The following TPRG1 variants were observed in gnomAD, a reference collection of about 807,000 sequenced individuals.
TPRG1 encodes the protein tumor protein p63 regulated 1.
Under a neutral mutation model 29.3 loss-of-function variants are expected in TPRG1, and 29 were observed. That is an observed-to-expected ratio of 0.99 (90% CI 0.74 to 1.35). The LOEUF is 1.35. Ranked by LOEUF, TPRG1 falls within the 40% of genes most tolerant of loss-of-function variation. The pLI, the probability that TPRG1 is intolerant of heterozygous loss-of-function variation, is 0.00. For synonymous variants in TPRG1, 130 were observed against 116.8 expected (o/e 1.11, Z -0.73); for missense variants, 327 against 335.0 (o/e 0.98, Z 0.19).
intron 1 of TPRG1, among the ~76,000 whole-genome samples, chr3:189,118,652 A>G (rs1034994678): frequency 2.6e-5 from 4 of 152,190 alleles, no homozygotes; most frequent in South Asian, 2.1e-4. Context: ...AGCTGTGGCT[A>G]AAAGGGGCCA....
At chr3:189,304,942 C>T (rs1430112331) in intron 4 of TPRG1, among the ~76,000 whole-genome samples, 7 of 152,140 alleles carry the variant, frequency 4.6e-5, no homozygotes, top group Admixed American at 6.6e-5. Context: ...ACACGCCCTG[C>T]GTTTAGAGCA....
At chr3:189,129,548 A>G (rs1722874399) in intron 2 of TPRG1, among the ~76,000 whole-genome samples, 1 of 152,190 alleles carries the variant, frequency 6.6e-6, no homozygotes, top group Non-Finnish European at 1.5e-5. Flanking sequence ...TATGCTGTTT[A>G]TACTTAAACT....
chr3:189,076,174 C>T (rs925864582), intron 4 of TPRG1, among the ~76,000 whole-genome samples: 2 of 152,092 alleles, frequency 1.3e-5, no homozygotes, highest in African/African-American at 4.8e-5. Context: ...TTCTGGTTGG[C>T]TTTTGTTTGT....
At chr3:189,170,116 C>G (rs1456541880), upstream of TPRG1, among the ~76,000 whole-genome samples, 1 of 152,180 alleles carries the variant, frequency 6.6e-6, no homozygotes, top group Admixed American at 6.5e-5. Flanking sequence ...TCTTAAGAGA[C>G]CAGGCTGGGA....
chr3:189,288,402 C>A (rs1718438577), intron 4 of TPRG1, among the ~76,000 whole-genome samples: 2 of 152,074 alleles, frequency 1.3e-5, no homozygotes, highest in South Asian at 4.2e-4. Flanking sequence ...AATATTATAG[C>A]ACATAGGATG....
chr3:189,044,511 C>T (rs1049754479), intron 4 of TPRG1, among the ~76,000 whole-genome samples: 7 of 150,526 alleles, frequency 4.7e-5, no homozygotes, highest in African/African-American at 1.7e-4. Context: ...GCTGAGATCA[C>T]GCCATTGCAC....
intron 4 of TPRG1, among the ~76,000 whole-genome samples, chr3:189,036,162 C>G (rs1190071489): frequency 6.6e-6 from 1 of 151,940 alleles, no homozygotes; most frequent in South Asian, 2.1e-4. Flanking sequence ...AATGAAGGAA[C>G]AGAAAAACAC....
chr3:189,021,596 G>C (rs1251364517), intron 3 of TPRG1, among the ~76,000 whole-genome samples: 2 of 152,190 alleles, frequency 1.3e-5, no homozygotes, highest in African/African-American at 2.4e-5. Context: ...TCTGCCGAGA[G>C]ATCTGCTGTT....
intron 4 of TPRG1, among the ~76,000 whole-genome samples, chr3:189,069,665 A>G (rs536049917): frequency 6.6e-6 from 1 of 152,378 alleles, no homozygotes; most frequent in South Asian, 2.1e-4. Flanking sequence ...AGAAATGACA[A>G]CTGACATTCC....
intron 1 of TPRG1, among the ~76,000 whole-genome samples, chr3:189,191,759 G>A (rs1731726630): frequency 6.6e-6 from 1 of 152,050 alleles, no homozygotes; most frequent in South Asian, 2.1e-4. Context: ...CTCCTTCCTG[G>A]TCTTGTTCCA....
Position 189,284,639 on chromosome 3 carries a change from A to T in TPRG1, c.480-25747A>T, listed in dbSNP as rs549807240. 3.9e-5 allele frequency among the ~76,000 whole-genome samples: 6 copies of T among 152,156 alleles called. No individual in the cohort carries two copies. In the East Asian group the frequency reaches 1.2e-3, roughly 29 times the overall value. On this transcript the variant is annotated intron_variant, in intron 4 of 5. Coordinates refer to ENST00000345063, the MANE Select transcript of TPRG1 (RefSeq NM_198485.4). The stretch of plus-strand genomic sequence containing the variant: ...TTTGGGTTGGTTCCAAGTCTTTGCT[A>T]TTGTGAATAGTACCGCAATAAACAT...
At chr3:189,178,500 T>C (rs375996819) in intron 1 of TPRG1, among the ~76,000 whole-genome samples, 27 of 152,202 alleles carry the variant, frequency 1.8e-4, no homozygotes, top group South Asian at 6.2e-4. Context: ...GCCTGGGCGA[T>C]AGAGTGAGAC....
chr3:189,077,868 A>G (rs1717286026), intron 4 of TPRG1, among the ~76,000 whole-genome samples: 1 of 152,202 alleles, frequency 6.6e-6, no homozygotes, highest in African/African-American at 2.4e-5. Context: ...AAACCAGTGT[A>G]TGGTGGCTTA....
chr3:189,142,351 A>G (rs1392185680), intron 3 of TPRG1, among the ~76,000 whole-genome samples: 1 of 152,096 alleles, frequency 6.6e-6, no homozygotes, highest in Admixed American at 6.5e-5. Context: ...GATATGCTAG[A>G]TTGTCTTCAT....
chr3:189,263,401 T>A (rs183292789), intron 4 of TPRG1, among the ~76,000 whole-genome samples: 3 of 152,172 alleles, frequency 2.0e-5, no homozygotes, highest in African/African-American at 7.2e-5. Context: ...CCAGCACAAC[T>A]TGGACCTGCT....
At chr3:189,209,907 C>G (rs1275575213) in intron 2 of TPRG1, among the ~76,000 whole-genome samples, 2 of 152,110 alleles carry the variant, frequency 1.3e-5, no homozygotes, top group Admixed American at 1.3e-4. Flanking sequence ...TGTTTGCCCT[C>G]CTTCAGACCA....
At chr3:189,286,009 T>C (rs980346958) in intron 4 of TPRG1, among the ~76,000 whole-genome samples, 3 of 152,104 alleles carry the variant, frequency 2.0e-5, no homozygotes, top group African/African-American at 7.2e-5. Context: ...GCTTCAGAAG[T>C]CTTGTTCTGA....
At chr3:189,139,661 T>G (rs1487110493) in intron 3 of TPRG1, among the ~76,000 whole-genome samples, 1 of 151,224 alleles carries the variant, frequency 6.6e-6, no homozygotes, top group Admixed American at 6.6e-5. Flanking sequence ...TTCTATCAGC[T>G]GAAGGATTTT....
chr3:189,285,848 A>G (rs1373136681), intron 4 of TPRG1, among the ~76,000 whole-genome samples: 2 of 152,206 alleles, frequency 1.3e-5, no homozygotes, highest in African/African-American at 2.4e-5. Flanking sequence ...CTATCTCCAT[A>G]GAGACTTCTC....
Sources: gnomAD v4.1 joint callset for allele counts (sites outside exome capture counted in the v4.1 genomes callset) on GRCh38, gnomAD v4.1.1 for gene constraint, MANE v1.5 for transcripts, NCBI Gene and HGNC (gene_info 2026-07-23, HGNC 2026-07-21) for gene names.